KMT5B: variants seen among roughly 807,000 people sequenced by gnomAD.
The protein encoded by KMT5B is histone-lysine N-methyltransferase KMT5B.
Under a neutral mutation model 83.2 loss-of-function variants are expected in KMT5B, and 10 were observed. The ratio of observed to expected loss-of-function variants is 0.12; its 90% CI spans 0.07 to 0.20. The LOEUF is 0.20. KMT5B is among the 10% of genes least tolerant of loss of function. The probability of loss-of-function intolerance (pLI) is 1.00; values close to 1 mark genes in which losing one functional copy is unlikely to be tolerated. For missense variants in KMT5B, 753 were observed against 1,067.2 expected (o/e 0.71, Z 4.10); for synonymous variants, 349 against 388.8 (o/e 0.90, Z 1.20).
At position 68,212,443 on chromosome 11, in the gene KMT5B, C is replaced by T. The variant is rs114427254; in HGVS notation, c.-77+695G>A. ...AATCGTTAAGTTACTGTTCCAGACC[C>T]GGGTCCAATAAACCCAAATAGACTG... On this transcript the variant is annotated intron_variant, in intron 1 of 10. Coordinates refer to ENST00000304363, the MANE Select transcript of KMT5B (RefSeq NM_017635.5). 2.4e-3 allele frequency among the ~76,000 whole-genome samples: 361 copies of T among 152,360 alleles called. 2 individuals are homozygous for T. The highest frequency in any genetic ancestry group is 7.9e-3 in the African/African-American group (328 of 41,582).
At chr11:68,187,456 T>C (rs1018967952) in intron 2 of KMT5B, among the ~76,000 whole-genome samples, 7 of 152,268 alleles carry the variant, frequency 4.6e-5, no homozygotes, top group African/African-American at 1.7e-4. Context: ...ACTGATTATT[T>C]AGAAGTGTGT....
At chr11:68,180,228 A>C (rs954963880) in intron 3 of KMT5B, 28 bp from the exon 4 acceptor site, 4 of 1,549,106 alleles carry the variant, frequency 2.6e-6, no homozygotes, top group Non-Finnish European at 3.5e-6. Context: ...CAAACAACAA[A>C]AATAAAAAGC....
rs1855265766 is a variant in KMT5B at position 68,165,813 on chromosome 11, G to C, written c.1174+1169C>G. The C allele has an allele frequency of 2.5e-6, 4 of 1,596,518 alleles. No homozygotes were observed. In the African/African-American group the frequency reaches 5.4e-5, roughly 21 times the overall value. On this transcript the variant is annotated intron_variant, in intron 10 of 10. Transcript: ENST00000304363. ...CTCTGGACATTAACGAAAAAGACTGGAATAGGGCTACAGCGCTGCTTTTAT... is the reference window on the plus strand; with the variant it reads ...CTCTGGACATTAACGAAAAAGACTGCAATAGGGCTACAGCGCTGCTTTTAT...
At chr11:68,181,969 C>T (rs1027466760) in intron 3 of KMT5B, among the ~76,000 whole-genome samples, 2 of 152,142 alleles carry the variant, frequency 1.3e-5, no homozygotes, top group Admixed American at 1.3e-4. Context: ...GCAACAGAAT[C>T]GTCTGTACTT....
At chr11:68,166,944 C>T in intron 10 of KMT5B, 38 bp downstream of exon 10, 2 of 1,607,106 alleles carry the variant, frequency 1.2e-6, no homozygotes, top group Non-Finnish European at 1.7e-6. Flanking sequence ...TGTGAAAATA[C>T]TTTTAAAAGA....
chr11:68,165,904 A>C, intron 10 of KMT5B: 1 of 1,612,916 alleles, frequency 6.2e-7, no homozygotes, highest in Non-Finnish European at 8.5e-7. Context: ...CATGGCAGTG[A>C]CATTCACCAT....
At chr11:68,205,469 A>G (rs545093808) in intron 1 of KMT5B, among the ~76,000 whole-genome samples, 4 of 152,322 alleles carry the variant, frequency 2.6e-5, no homozygotes, top group South Asian at 2.1e-4. Flanking sequence ...CCAGATAACC[A>G]TGATCTTCCT....
chr11:68,175,724 T>C (rs1856299154), intron 4 of KMT5B, among the ~76,000 whole-genome samples: 1 of 152,172 alleles, frequency 6.6e-6, no homozygotes, highest in African/African-American at 2.4e-5. Flanking sequence ...ACATTCTTTA[T>C]GTACACAGTC....
At chr11:68,163,811 A>G (rs1855059787) in intron 10 of KMT5B, among the ~76,000 whole-genome samples, 1 of 152,324 alleles carries the variant, frequency 6.6e-6, no homozygotes, top group African/African-American at 2.4e-5. Context: ...GGCTCAGCAG[A>G]AAAGTGTTCA....
At chr11:68,191,179 G>GTGTGTGTGTT in intron 1 of KMT5B, among the ~76,000 whole-genome samples, 1 of 115,926 alleles carries the variant, frequency 8.6e-6, no homozygotes. Flanking sequence ...AACTTTGTGT[G>GTGTGTGTGTT]TGTGTGTGTG....
At chr11:68,208,596 C>A (rs1409885674) in intron 1 of KMT5B, among the ~76,000 whole-genome samples, 1 of 152,058 alleles carries the variant, frequency 6.6e-6, no homozygotes, top group Non-Finnish European at 1.5e-5. Context: ...CAATCTGATG[C>A]GAGCTGTAAG....
At chr11:68,170,765 T>C (rs1855766613) in intron 9 of KMT5B, among the ~76,000 whole-genome samples, 1 of 152,296 alleles carries the variant, frequency 6.6e-6, no homozygotes, top group Non-Finnish European at 1.5e-5. Context: ...ACATCTGTAT[T>C]CTGGCCCACT....
In KMT5B at chr11:68,158,083, T is replaced by C; in HGVS notation, c.2263A>G (p.Asn755Asp). The C allele has an allele frequency of 1.2e-6, 2 of 1,614,222 alleles. No homozygotes were observed. Among genetic ancestry groups the C allele is most frequent in the Non-Finnish European group, 1.7e-6 (2 of 1,180,030 alleles). Residue 755 changes from asparagine (N) to aspartate (D), a missense_variant, in exon 11 of 11, where the codon AAC becomes GAC. Transcript: ENST00000304363. ...TTAAGCTTTGCTACATAGAGATTGTTATCGTTGTCATGGTCTTTGCTTAAC... is the reference window on the plus strand; with the variant it reads ...TTAAGCTTTGCTACATAGAGATTGTCATCGTTGTCATGGTCTTTGCTTAAC... ...IKLSKDHDND[N>D]NLYVAKLNNG...
At chr11:68,185,693 A>C in intron 3 of KMT5B, 88 bp downstream of exon 3, 2 of 1,354,512 alleles carry the variant, frequency 1.5e-6, no homozygotes, top group Non-Finnish European at 2.0e-6. Context: ...ATGTCATTTT[A>C]AATTTTGAGC....
chr11:68,192,798 C>G (rs935435619), intron 1 of KMT5B, among the ~76,000 whole-genome samples: 1 of 152,174 alleles, frequency 6.6e-6, no homozygotes. Context: ...ATTCACTGTT[C>G]TAGATATTTA....
rs776154444 is a variant in KMT5B, at chr11:68,157,795, G to C, written c.2551C>G (p.Pro851Ala). 3.7e-6 allele frequency: 6 copies of C among 1,614,136 alleles called. No homozygotes were observed. Among genetic ancestry groups the C allele is most frequent in the South Asian group, 1.1e-5 (1 of 91,084 alleles). Residue 851 changes from proline to alanine, a missense_variant, in exon 11 of 11, where the codon CCT (proline) becomes GCT (alanine). This residue lies in a region of KMT5B where 161 missense variants were observed against 195.1 expected (regional missense o/e 0.83). Transcript: ENST00000304363. ...YDDDFEDDFIPLPPAKRLRLI... is the reference protein window; with the variant it reads ...YDDDFEDDFIALPPAKRLRLI... ...CTCAAGCGCTTAGCTGGAGGAAGAG[G>C]AATAAAATCGTCTTCAAAGTCATCA...
chr11:68,194,841 G>A (rs1858517796), intron 1 of KMT5B, among the ~76,000 whole-genome samples: 1 of 152,160 alleles, frequency 6.6e-6, no homozygotes, highest in African/African-American at 2.4e-5. Context: ...GATAAATTTA[G>A]AATTAGGTTT....
chr11:68,171,344 C>T lies in KMT5B; in HGVS notation c.821-93G>A, dbSNP rs1458204731. On this transcript the variant is annotated intron_variant, in intron 7 of 10. Coordinates refer to ENST00000304363, the MANE Select transcript of KMT5B (RefSeq NM_017635.5). The surrounding 1 kb of genome is among the most constrained non-coding windows in gnomAD (Gnocchi z 5.1). ...AATCTGAAATAAGCTTTCCATATAA[C>T]TTTACAACTTTTGATAGGAGTTTAG... The T allele has an allele frequency of 6.8e-7, 1 of 1,480,354 alleles. No individual in the cohort carries two copies. The highest frequency in any genetic ancestry group is 9.3e-7 in the Non-Finnish European group (1 of 1,079,548). 91.7% of individuals were successfully genotyped at this position (1,480,354 alleles called of 1,614,324 possible).
intron 1 of KMT5B, among the ~76,000 whole-genome samples, chr11:68,191,208 T>TGTGTGTGC (rs766456170): frequency 6.7e-6 from 1 of 150,054 alleles, no homozygotes; most frequent in Admixed American, 6.6e-5. Flanking sequence ...TGTGTGTGTG[T>TGTGTGTGC]AGAGACGAGG....
Sources: allele counts gnomAD v4.1 joint callset (sites outside exome capture counted in the v4.1 genomes callset), GRCh38; gene constraint gnomAD v4.1.1; regional missense constraint gnomAD v4.1.1; non-coding constraint Gnocchi (gnomAD v3.1); transcripts MANE v1.5; gene names NCBI Gene and HGNC (gene_info 2026-07-23, HGNC 2026-07-21).